ATL1: variants seen among roughly 807,000 people sequenced by gnomAD.
ATL1 encodes the protein atlastin GTPase 1, also known as atlastin-1.
ATL1 carries 31 observed loss-of-function variants against 75.5 expected under a neutral mutation model. The observed-to-expected ratio is 0.41, with a 90% CI of 0.31 to 0.55. ATL1 has a LOEUF of 0.55. ATL1 is among the 20% of genes least tolerant of loss of function. The pLI, the probability that ATL1 is intolerant of heterozygous loss-of-function variation, is 0.27. For synonymous variants in ATL1, 226 were observed against 233.3 expected (o/e 0.97, Z 0.28); for missense variants, 405 against 662.6 (o/e 0.61, Z 4.27).
intron 8 of ATL1, among the ~76,000 whole-genome samples, chr14:50,616,988 G>T (rs1277791968): frequency 2.6e-5 from 4 of 152,152 alleles, no homozygotes; most frequent in Non-Finnish European, 5.9e-5. Context: ...CTCACTGGTT[G>T]CCTCTAGTGA....
At chr14:50,555,991 G>T (rs1489394939), upstream of ATL1, among the ~76,000 whole-genome samples, 3 of 152,100 alleles carry the variant, frequency 2.0e-5, no homozygotes, top group African/African-American at 7.2e-5. Context: ...ACCAATGGAA[G>T]AAAAAATAAT....
At chr14:50,541,649 G>A (rs530584731) in intron 1 of ATL1, among the ~76,000 whole-genome samples, 1 of 152,234 alleles carries the variant, frequency 6.6e-6, no homozygotes, top group African/African-American at 2.4e-5. Context: ...AGACCCAATG[G>A]TAAACAGGAA....
In ATL1 at chr14:50,632,587, T is replaced by C; in HGVS notation, c.*248T>C. ...CTTCAAAAATGCTGTTATAAAGTAT[T>C]TGTCTATTTATGATAACAGTACACG... On this transcript the variant is annotated 3_prime_UTR_variant, in exon 14 of 14. Transcript: ENST00000358385. 2.7e-6 allele frequency: 1 copy of C among 375,014 alleles called. No homozygotes were observed. The highest frequency in any genetic ancestry group is 2.5e-5 in the South Asian group (1 of 40,536). 23.2% of individuals were successfully genotyped at this position (375,014 alleles called of 1,614,324 possible).
chr14:50,578,850 T>C (rs1013375749), intron 1 of ATL1, among the ~76,000 whole-genome samples: 2 of 152,164 alleles, frequency 1.3e-5, no homozygotes, highest in Admixed American at 1.3e-4. Context: ...GGAATACATA[T>C]ATTTGTGTTT....
At chr14:50,597,701 T>C (rs1023145916) in intron 6 of ATL1, among the ~76,000 whole-genome samples, 1 of 152,200 alleles carries the variant, frequency 6.6e-6, no homozygotes, top group Non-Finnish European at 1.5e-5. Flanking sequence ...AGTGTTTATT[T>C]TTTTTCTTTT....
At chr14:50,620,343 A>T (rs1177262783) in intron 8 of ATL1, among the ~76,000 whole-genome samples, 3 of 152,234 alleles carry the variant, frequency 2.0e-5, no homozygotes, top group Admixed American at 6.5e-5. Flanking sequence ...AAAATCAAGC[A>T]AGCTAACTTA....
At chr14:50,565,474 G>A (rs2038894660) in intron 1 of ATL1, among the ~76,000 whole-genome samples, 1 of 83,710 alleles carries the variant, frequency 1.2e-5, no homozygotes, top group Non-Finnish European at 2.8e-5. Flanking sequence ...GGCAGAATGA[G>A]ACTTCATCTC....
rs945739470 is a variant in ATL1, at chr14:50,568,816, C to T, written c.34+8517C>T. Among the ~76,000 whole-genome samples, 7 of 151,596 alleles carry T rather than the reference C, an allele frequency of 4.6e-5. No individual in the cohort carries two copies. In the East Asian group the frequency reaches 5.8e-4, roughly 13 times the overall value. On this transcript the variant is annotated intron_variant, in intron 1 of 13. Transcript: ENST00000358385. The stretch of plus-strand genomic sequence containing the variant: ...ATTTTTATAGTGTAATGTTTTAATT[C>T]GCTTATCATTTCCCTTTGTGCACAT...
At chr14:50,543,137 G>C (rs772036253) in intron 1 of ATL1, among the ~76,000 whole-genome samples, 7 of 152,238 alleles carry the variant, frequency 4.6e-5, no homozygotes, top group Non-Finnish European at 1.0e-4. Flanking sequence ...AGTCACTCTA[G>C]TGCTTGCTCA....
chr14:50,548,661 C>T (rs536937470), intron 1 of ATL1, among the ~76,000 whole-genome samples: 4 of 152,246 alleles, frequency 2.6e-5, no homozygotes, highest in East Asian at 3.9e-4. Context: ...AGGCACACAC[C>T]GCCACGCCCA....
At chr14:50,588,189 T>C in intron 2 of ATL1, 111 bp downstream of exon 2, 2 of 1,336,362 alleles carry the variant, frequency 1.5e-6, no homozygotes, top group Non-Finnish European at 2.1e-6. Context: ...ACCCTATATA[T>C]GAACCAGCTA....
intron 1 of ATL1, among the ~76,000 whole-genome samples, chr14:50,573,867 T>G (rs1240315583): frequency 6.6e-6 from 1 of 152,180 alleles, no homozygotes; most frequent in East Asian, 1.9e-4. Flanking sequence ...TCCTAATAAG[T>G]TTAACCTTTT....
At chr14:50,574,630 G>A (rs879610129) in intron 1 of ATL1, among the ~76,000 whole-genome samples, 1 of 151,964 alleles carries the variant, frequency 6.6e-6, no homozygotes. Context: ...TTCTTAGCGG[G>A]AATTGTGCCT....
chr14:50,588,113 T>G, intron 2 of ATL1, 35 bp downstream of exon 2: 1 of 1,612,964 alleles, frequency 6.2e-7, no homozygotes. Context: ...TTTTCTTTCT[T>G]CTGTGCTTCT....
At chr14:50,548,609 A>G (rs935845888) in intron 1 of ATL1, among the ~76,000 whole-genome samples, 2 of 152,128 alleles carry the variant, frequency 1.3e-5, no homozygotes, top group African/African-American at 4.8e-5. Context: ...TCCCAGGTTC[A>G]TGCCATTCTC....
intron 1 of ATL1, among the ~76,000 whole-genome samples, chr14:50,546,457 T>C (rs894666486): frequency 6.6e-6 from 1 of 152,176 alleles, no homozygotes; most frequent in Non-Finnish European, 1.5e-5. Context: ...TCTGACATGC[T>C]ACCAACTTGG....
chr14:50,632,211 T>G lies in ATL1; in HGVS notation c.1567-18T>G, dbSNP rs763509651. On this transcript the variant is annotated intron_variant, in intron 13 of 13. Transcript: ENST00000358385. The stretch of plus-strand genomic sequence containing the variant: ...GTGTTTAATAAAATGTTTTATAATT[T>G]TGATGCTTTTATTCTAGGCTTTGTA... 6.4e-7 allele frequency: 1 copy of G among 1,571,834 alleles called. No homozygotes were observed. Among genetic ancestry groups the G allele is most frequent in the Admixed American group, 1.7e-5 (1 of 57,166 alleles).
chr14:50,589,823 T>C (rs1021681679), intron 2 of ATL1, among the ~76,000 whole-genome samples: 3 of 152,210 alleles, frequency 2.0e-5, no homozygotes, highest in Non-Finnish European at 4.4e-5. Flanking sequence ...TTTAAATTAG[T>C]TTATGTAGAT....
intron 6 of ATL1, among the ~76,000 whole-genome samples, chr14:50,600,856 C>T (rs559286571): frequency 6.6e-6 from 1 of 152,030 alleles, no homozygotes; most frequent in South Asian, 2.1e-4. Flanking sequence ...AATTCCAGTA[C>T]TTTGGGAGGA....
Sources: allele counts gnomAD v4.1 joint callset (sites outside exome capture counted in the v4.1 genomes callset), GRCh38; gene constraint gnomAD v4.1.1; transcripts MANE v1.5; gene names NCBI Gene and HGNC (gene_info 2026-07-23, HGNC 2026-07-21).